P3H2: variants seen among roughly 807,000 people sequenced by gnomAD.
P3H2 encodes prolyl 3-hydroxylase 2, also known as leprecan-like 1.
P3H2 carries 80 observed loss-of-function variants against 87.0 expected under a neutral mutation model. The observed-to-expected ratio is 0.92, with a 90% CI of 0.77 to 1.11. The LOEUF (loss-of-function observed/expected upper bound fraction) is 1.11. Ranked by LOEUF, P3H2 falls within the 50% of genes least tolerant of loss-of-function variation. P3H2 has a pLI of 0.00. For synonymous variants in P3H2, 367 were observed against 359.3 expected (o/e 1.02, Z -0.24); for missense variants, 1,001 against 923.9 (o/e 1.08, Z -1.08).
Position 190,058,466 on chromosome 3 carries a change from T to C in P3H2, c.480+61786A>G, listed in dbSNP as rs115853208. On this transcript the variant is annotated intron_variant, in intron 1 of 14. Coordinates refer to ENST00000319332, the MANE Select transcript of P3H2 (RefSeq NM_018192.4). ...GGTTAAACTTGTGAAGTTTCAAATA[T>C]GGGTCAAAGTTGTAAAATGGAATGG... Among the ~76,000 whole-genome samples, 315 of 152,252 alleles carry C rather than the reference T, an allele frequency of 2.1e-3. 4 individuals are homozygous for C. Among genetic ancestry groups the C allele is most frequent in the African/African-American group, 7.2e-3 (299 of 41,550 alleles).
At chr3:190,068,598 A>G (rs535004537) in intron 1 of P3H2, among the ~76,000 whole-genome samples, 2 of 152,342 alleles carry the variant, frequency 1.3e-5, no homozygotes, top group African/African-American at 4.8e-5. Flanking sequence ...TACATAGAGT[A>G]AATCTATGTA....
intron 1 of P3H2, among the ~76,000 whole-genome samples, chr3:190,019,559 A>AGAATCACCTAGGGGTCATAGGTGACTGC (rs745966217): frequency 2.9e-5 from 4 of 135,914 alleles, no homozygotes; most frequent in Admixed American, 7.5e-5. Context: ...CTGGATGCTC[A>AGAATCACCTAGGGGTCATAGGTGACTGC]TTATCGTTTC....
rs1485247352 is a variant in P3H2 at position 189,989,494 on chromosome 3, G to A, written c.824-456C>T. ...CAGTTTGGAAAAAGAAACCACCATG[G>A]GCATGGAAAATTCAGGCTGAGAAGT... On this transcript the variant is annotated intron_variant, in intron 3 of 14. Transcript: ENST00000319332. 2.0e-5 allele frequency among the ~76,000 whole-genome samples: 3 copies of A among 152,080 alleles called. No individual in the cohort carries two copies. In the East Asian group the frequency reaches 5.8e-4, roughly 29 times the overall value.
intron 1 of P3H2, among the ~76,000 whole-genome samples, chr3:190,108,898 T>C (rs1036235017): frequency 6.6e-6 from 1 of 152,236 alleles, no homozygotes; most frequent in Non-Finnish European, 1.5e-5. Flanking sequence ...TTCAGTGTTG[T>C]ACACGTGGAA....
rs564781399 is a variant in P3H2, at chr3:189,995,829, T to C, written c.481-387A>G. 2.0e-4 allele frequency among the ~76,000 whole-genome samples: 30 copies of C among 152,126 alleles called. No individual in the cohort carries two copies. The East Asian group carries it at 5.0e-3, about 25-fold the overall frequency. On this transcript the variant is annotated intron_variant, in intron 1 of 14. Transcript: ENST00000319332. ...AAATGACATTTCTCAAAAGAAGATA[T>C]ACAATTGGCCAACAGGTGTGTGAAA...
intron 14 of P3H2, among the ~76,000 whole-genome samples, chr3:189,960,609 G>T (rs1291292343): frequency 1.3e-5 from 2 of 152,238 alleles, no homozygotes; most frequent in East Asian, 3.9e-4. Flanking sequence ...TTGCTGCTAA[G>T]GATTCTTACC....
chr3:190,007,102 T>C (rs755668653), intron 1 of P3H2, among the ~76,000 whole-genome samples: 27 of 152,204 alleles, frequency 1.8e-4, no homozygotes, highest in Non-Finnish European at 2.8e-4. Flanking sequence ...AACTTCCTCA[T>C]TGGCAGGGAG....
chr3:190,011,852 A>G (rs1051081435), intron 1 of P3H2, among the ~76,000 whole-genome samples: 3 of 152,238 alleles, frequency 2.0e-5, no homozygotes, highest in African/African-American at 7.2e-5. Flanking sequence ...ATTCTGGATA[A>G]TATGATTCTA....
intron 1 of P3H2, among the ~76,000 whole-genome samples, chr3:190,014,016 C>T (rs891981981): frequency 4.0e-5 from 6 of 149,574 alleles, no homozygotes; most frequent in African/African-American, 9.9e-5. Context: ...TGTCTACTAG[C>T]GAGAAAAAAA....
intron 14 of P3H2, among the ~76,000 whole-genome samples, chr3:189,959,236 TTTTTC>T (rs890394460): frequency 7.1e-6 from 1 of 141,150 alleles, no homozygotes; most frequent in Non-Finnish European, 1.6e-5. Context: ...TCTTCTTTTT[TTTTTC>T]TTTTATTTAT....
chr3:190,002,015 A>T (rs1482448340), intron 1 of P3H2, among the ~76,000 whole-genome samples: 1 of 152,212 alleles, frequency 6.6e-6, no homozygotes, highest in African/African-American at 2.4e-5. Context: ...TACAGTATTT[A>T]AATGTAAAGT....
At chr3:189,959,634 C>T (rs1390475810) in intron 14 of P3H2, among the ~76,000 whole-genome samples, 2 of 152,048 alleles carry the variant, frequency 1.3e-5, no homozygotes, top group African/African-American at 4.8e-5. Context: ...CAAAAGAATT[C>T]CCTAATCCGA....
chr3:190,019,785 AATATATATATAT>A lies in P3H2; in HGVS notation c.481-24355_481-24344del, dbSNP rs1210566859. 1.6e-4 allele frequency among the ~76,000 whole-genome samples: 6 copies of A among 37,390 alleles called. 1 individual carries two copies. The highest frequency in any genetic ancestry group is 6.7e-4 in the Admixed American group (3 of 4,464). The allele number at this position is 37,390 out of a possible 152,430, so 24.5% of individuals were successfully genotyped here. A position where few individuals can be genotyped will look rare whatever the true frequency, so the allele number is the denominator to read the frequency against. On this transcript the variant is annotated intron_variant, in intron 1 of 14. Coordinates refer to ENST00000319332, the MANE Select transcript of P3H2 (RefSeq NM_018192.4). ...ATGTGACATTACCTAGAAATTAAAA[AATATATATATAT>A]ATATATATATATATATATACTCACA...
chr3:189,982,156 A>G (rs1723556844), intron 8 of P3H2, among the ~76,000 whole-genome samples: 1 of 152,198 alleles, frequency 6.6e-6, no homozygotes, highest in African/African-American at 2.4e-5. Flanking sequence ...CAGCAGGTGA[A>G]GAAGAGAAAA....
intron 1 of P3H2, among the ~76,000 whole-genome samples, chr3:190,055,537 T>C (rs1437308007): frequency 1.9e-5 from 1 of 53,830 alleles, no homozygotes; most frequent in African/African-American, 1.4e-4. Context: ...TTTTTTTTTT[T>C]CTCCTTTCTC....
intron 1 of P3H2, among the ~76,000 whole-genome samples, chr3:190,001,482 A>G (rs953092917): frequency 6.6e-6 from 1 of 152,212 alleles, no homozygotes; most frequent in Non-Finnish European, 1.5e-5. Flanking sequence ...TATCCATTAC[A>G]TTTTAATGAA....
intron 13 of P3H2, chr3:189,969,908 G>A: frequency 1.1e-6 from 1 of 879,144 alleles, no homozygotes; most frequent in Non-Finnish European, 1.9e-6. Flanking sequence ...TCGGGACTAA[G>A]GGAATGAAGT....
At chr3:190,108,566 T>C (rs1455406693) in intron 1 of P3H2, among the ~76,000 whole-genome samples, 1 of 152,216 alleles carries the variant, frequency 6.6e-6, no homozygotes, top group Non-Finnish European at 1.5e-5. Context: ...ACTTTTTTGA[T>C]ACAAAACATC....
intron 1 of P3H2, among the ~76,000 whole-genome samples, chr3:190,024,526 C>G (rs1391133378): frequency 1.2e-5 from 1 of 85,404 alleles, no homozygotes; most frequent in Non-Finnish European, 2.4e-5. Context: ...GTGAGGTTCC[C>G]TCTCAAAAAA....
Sources: gnomAD v4.1 joint callset for allele counts (sites outside exome capture counted in the v4.1 genomes callset) on GRCh38, gnomAD v4.1.1 for gene constraint, MANE v1.5 for transcripts, NCBI Gene and HGNC (gene_info 2026-07-23, HGNC 2026-07-21) for gene names.